Variants in BRMS1L observed in about 807,000 individuals in gnomAD.
BRMS1L encodes breast cancer metastasis-suppressor 1-like protein.
Under a neutral mutation model 50.3 loss-of-function variants are expected in BRMS1L, and 23 were observed. That is an observed-to-expected ratio of 0.46 (90% CI 0.33 to 0.65). The LOEUF (loss-of-function observed/expected upper bound fraction) is 0.65. Ranked by LOEUF, BRMS1L falls within the 30% of genes least tolerant of loss-of-function variation. The pLI, the probability that BRMS1L is intolerant of heterozygous loss-of-function variation, is 0.02. For missense variants in BRMS1L, 286 were observed against 386.1 expected (o/e 0.74, Z 2.17); for synonymous variants, 114 against 126.9 (o/e 0.90, Z 0.69).
intron 4 of BRMS1L, among the ~76,000 whole-genome samples, chr14:35,858,164 C>T: frequency 6.6e-6 from 1 of 151,950 alleles, no homozygotes; most frequent in East Asian, 1.9e-4. Context: ...CTAGAAAACC[C>T]CCTCATATTT....
rs1383133921 is a variant in BRMS1L at position 35,871,836 on chromosome 14, CA to C, written c.*1362del. On this transcript the variant is annotated 3_prime_UTR_variant, in exon 10 of 10. Transcript: ENST00000216807. Reference sequence around the variant, plus strand: ...TTGTTCTGTTTCTAATTAACCTTAGCAAATGTACATAATGTCAAAACCCAAT... The same window carrying C: ...TTGTTCTGTTTCTAATTAACCTTAGCAATGTACATAATGTCAAAACCCAAT... The C allele has an allele frequency of 1.3e-5, 2 of 152,580 alleles. No homozygotes were observed. The highest frequency in any genetic ancestry group is 2.9e-5 in the Non-Finnish European group (2 of 68,036). The allele number at this position is 152,580 out of a possible 1,614,324, so 9.5% of individuals were successfully genotyped here.
intron 4 of BRMS1L, among the ~76,000 whole-genome samples, chr14:35,855,775 A>C (rs1037756941): frequency 6.6e-6 from 1 of 152,148 alleles, no homozygotes; most frequent in African/African-American, 2.4e-5. Flanking sequence ...GCAGGGTGAA[A>C]GCTAACCTAT....
chr14:35,842,686 T>C (rs990806788), intron 4 of BRMS1L, among the ~76,000 whole-genome samples: 5 of 152,164 alleles, frequency 3.3e-5, no homozygotes, highest in African/African-American at 1.2e-4. Context: ...AGTATCTCTG[T>C]GGTGTTCTCT....
chr14:35,869,483 C>T (rs1326544703), intron 9 of BRMS1L, among the ~76,000 whole-genome samples: 1 of 151,806 alleles, frequency 6.6e-6, no homozygotes, highest in East Asian at 1.9e-4. Flanking sequence ...CTGATTGTGG[C>T]CCTGCATTTT....
In BRMS1L at chr14:35,832,989, A is replaced by C; in HGVS notation, c.245A>C (p.Glu82Ala). Residue 82 changes from glutamate to alanine, a missense_variant, in exon 3 of 10, where the codon GAA becomes GCA. Transcript: ENST00000216807. ...TTTGCTTTGTTAAGACTTTATAAAG[A>C]ACGATTAAGTCAGGTGGATGCAAAA... ...FTDLKDQLYK[E>A]RLSQVDAKLQ... 2 of 1,610,396 alleles carry C rather than the reference A, an allele frequency of 1.2e-6. No individual in the cohort carries two copies. The highest frequency in any genetic ancestry group is 1.7e-6 in the Non-Finnish European group (2 of 1,178,080).
intron 7 of BRMS1L, among the ~76,000 whole-genome samples, chr14:35,865,489 T>G (rs886333761): frequency 6.6e-6 from 1 of 152,170 alleles, no homozygotes; most frequent in Non-Finnish European, 1.5e-5. Flanking sequence ...ATTTCTTAGT[T>G]GAGAATTAGA....
At chr14:35,864,008 T>C in intron 6 of BRMS1L, 55 bp downstream of exon 6, 1 of 1,329,430 alleles carries the variant, frequency 7.5e-7, no homozygotes, top group Non-Finnish European at 1.1e-6. Flanking sequence ...TTTTCCATTG[T>C]GCATGCCTTT....
intron 4 of BRMS1L, among the ~76,000 whole-genome samples, chr14:35,860,873 T>A (rs1056917680): frequency 6.6e-6 from 1 of 152,236 alleles, no homozygotes; most frequent in African/African-American, 2.4e-5. Flanking sequence ...AGTCTAGATG[T>A]GAAGACTAGA....
chr14:35,848,015 G>A (rs947162462), intron 4 of BRMS1L, among the ~76,000 whole-genome samples: 1 of 152,132 alleles, frequency 6.6e-6, no homozygotes, highest in African/African-American at 2.4e-5. Flanking sequence ...CAATGAATGT[G>A]GGAGTACAAA....
In BRMS1L at chr14:35,870,409, G is replaced by T; in HGVS notation, c.904G>T (p.Asp302Tyr). 1 of 1,609,916 alleles carries T rather than the reference G, an allele frequency of 6.2e-7. No individual in the cohort carries two copies. The highest frequency in any genetic ancestry group is 8.5e-7 in the Non-Finnish European group (1 of 1,178,082). The part of the protein sequence containing the change: ...NHDEVWFKRP[D>Y]GSKSKLYISQ... ...TGATGAAGTTTGGTTTAAGAGGCCT[G>T]ATGGAAGCAAATCTAAGCTTTACAT... The change falls in exon 10 of 10, where the codon GAT (aspartate) becomes TAT (tyrosine). Residue 302 changes from aspartate to tyrosine, a missense_variant. Physicochemically the swap from Asp to Tyr is radical, Grantham distance 160 (BLOSUM62 -3). Around this residue, in one of 5 missense-constraint regions of BRMS1L, gnomAD observed 49 missense variants for 39.1 expected, o/e 1.25. Transcript: ENST00000216807.
Position 35,845,211 on chromosome 14 carries a change from ATTTG to A in BRMS1L, c.441+10292_441+10295del, listed in dbSNP as rs1328907133. 3.9e-5 allele frequency among the ~76,000 whole-genome samples: 6 copies of A among 152,092 alleles called. No individual in the cohort carries two copies. In the East Asian group the frequency reaches 1.2e-3, roughly 29 times the overall value. The stretch of plus-strand genomic sequence containing the variant: ...TTTCTTTTATTCTCATCTTCCTCTT[ATTTG>A]TTTTACTTGTTTTAATGGCACTGAT... On this transcript the variant is annotated intron_variant, in intron 4 of 9. Coordinates refer to ENST00000216807, the MANE Select transcript of BRMS1L (RefSeq NM_032352.4).
chr14:35,838,335 C>T (rs1042401178), intron 4 of BRMS1L, among the ~76,000 whole-genome samples: 5 of 152,182 alleles, frequency 3.3e-5, no homozygotes, highest in African/African-American at 9.7e-5. Context: ...AATAAACATA[C>T]ATGTGCATGT....
At chr14:35,862,212 C>A (rs914446961) in intron 4 of BRMS1L, among the ~76,000 whole-genome samples, 8 of 151,976 alleles carry the variant, frequency 5.3e-5, no homozygotes, top group African/African-American at 1.7e-4. Context: ...AAATATGATC[C>A]ATTTTATAAT....
At position 35,830,377 on chromosome 14, in the gene BRMS1L, A is replaced by G. The variant is rs370201629; in HGVS notation, c.143-1033A>G. ...AGCCACCATGCCTGGCCTTTCTTTC[A>G]CTTTTTATTTTTGAGACAGGATCTC... On this transcript the variant is annotated intron_variant, in intron 1 of 9. Coordinates refer to ENST00000216807, the MANE Select transcript of BRMS1L (RefSeq NM_032352.4). Among the ~76,000 whole-genome samples, 11 of 145,340 alleles carry G rather than the reference A, an allele frequency of 7.6e-5. No homozygotes were observed. The East Asian group carries it at 1.5e-3, about 19-fold the overall frequency.
At chr14:35,849,735 G>A (rs2078184257) in intron 4 of BRMS1L, among the ~76,000 whole-genome samples, 1 of 152,016 alleles carries the variant, frequency 6.6e-6, no homozygotes, top group Non-Finnish European at 1.5e-5. Context: ...TATGTTTTTG[G>A]GGGAATGTCT....
At chr14:35,837,386 A>G (rs1053101138) in intron 4 of BRMS1L, among the ~76,000 whole-genome samples, 2 of 152,326 alleles carry the variant, frequency 1.3e-5, no homozygotes, top group East Asian at 3.9e-4. Flanking sequence ...TGTATATCAA[A>G]TGCCCATATA....
intron 4 of BRMS1L, among the ~76,000 whole-genome samples, chr14:35,843,894 G>C (rs1389908608): frequency 6.6e-6 from 1 of 152,252 alleles, no homozygotes; most frequent in Admixed American, 6.5e-5. Flanking sequence ...CCAGAGAGGA[G>C]GAATCTAGAG....
chr14:35,840,968 G>A (rs73237248), intron 4 of BRMS1L, among the ~76,000 whole-genome samples: 7,099 of 152,096 alleles, frequency 0.047, 560 homozygotes, highest in African/African-American at 0.16. Flanking sequence ...GCTCTTACCC[G>A]TTTTCTCCTG....
chr14:35,855,021 G>A (rs1306616060), intron 4 of BRMS1L, among the ~76,000 whole-genome samples: 2 of 152,346 alleles, frequency 1.3e-5, no homozygotes, highest in Admixed American at 1.3e-4. Flanking sequence ...CCCTCAGGTG[G>A]ATCTTTTTGG....
Sources: allele counts gnomAD v4.1 joint callset (sites outside exome capture counted in the v4.1 genomes callset), GRCh38; gene constraint gnomAD v4.1.1; regional missense constraint gnomAD v4.1.1; transcripts MANE v1.5; gene names NCBI Gene and HGNC (gene_info 2026-07-23, HGNC 2026-07-21).